Variants in FAM83A observed in about 807,000 individuals in gnomAD.
The protein encoded by FAM83A is protein FAM83A.
A neutral mutation model predicts 24.4 loss-of-function variants in FAM83A; 21 were observed. The observed-to-expected ratio is 0.86, with a 90% confidence interval of 0.61 to 1.24. The LOEUF (loss-of-function observed/expected upper bound fraction) is 1.24. Among genes scored for constraint, FAM83A ranks in the 50% most tolerant of loss-of-function variants. The probability of loss-of-function intolerance (pLI) is 0.00; values close to 1 mark genes in which losing one functional copy is unlikely to be tolerated. For missense variants in FAM83A, 617 were observed against 579.8 expected (o/e 1.06, Z -0.66); for synonymous variants, 270 against 252.4 (o/e 1.07, Z -0.66).
chr8:123,205,866 CGGGCGCG>C (rs1387761013), intron 3 of FAM83A, among the ~76,000 whole-genome samples: 1 of 152,048 alleles, frequency 6.6e-6, no homozygotes, highest in Non-Finnish European at 1.5e-5. Context: ...GGAAACAGGC[CGGGCGCG>C]GTGGCTCACG....
upstream of FAM83A, chr8:123,182,567 A>G (rs1586770905): frequency 6.5e-6 from 4 of 618,310 alleles, no homozygotes; most frequent in East Asian, 6.8e-5. Flanking sequence ...GAAATATCCC[A>G]TGGCTGACTG....
At position 123,209,808 on chromosome 8, in the gene FAM83A, T is replaced by C. The variant is rs1824678040; in HGVS notation, c.*2120T>C. On this transcript the variant is annotated 3_prime_UTR_variant, in exon 4 of 4. Coordinates refer to ENST00000690554, the Ensembl canonical transcript of FAM83A. The surrounding 1 kb of genome is among the most constrained non-coding windows in gnomAD (Gnocchi z 4.7). ...GACAAAGGTGCAGTTTCTCCTCTCC[T>C]GGGCACCTGTAACATGTGATGCGCT... is the stretch of plus-strand genomic sequence containing the variant. 2.0e-6 allele frequency: 1 copy of C among 511,376 alleles called. No homozygotes were observed. Among genetic ancestry groups the C allele is most frequent in the Non-Finnish European group, 3.5e-6 (1 of 285,152 alleles). 31.7% of individuals were successfully genotyped at this position (511,376 alleles called of 1,614,324 possible). A position where few individuals can be genotyped will look rare whatever the true frequency, so the allele number is the denominator to read the frequency against.
At chr8:123,179,147 TC>T (rs1449079727), upstream of FAM83A, 57 of 152,308 alleles carry the variant, frequency 3.7e-4, no homozygotes, top group African/African-American at 1.4e-3. Flanking sequence ...GGTGAGGACT[TC>T]TCTTTGATCA....
chr8:123,206,750 T>C (rs1445312299), intron 3 of FAM83A, among the ~76,000 whole-genome samples: 1 of 152,108 alleles, frequency 6.6e-6, no homozygotes, highest in Non-Finnish European at 1.5e-5. Context: ...GGTGTCGCAA[T>C]GTCTCTCTCT....
chr8:123,198,250 A>G (rs1824228597), intron 3 of FAM83A, among the ~76,000 whole-genome samples: 1 of 152,160 alleles, frequency 6.6e-6, no homozygotes, highest in Non-Finnish European at 1.5e-5. Context: ...CCCAAAGTTC[A>G]AGATTAGGCA....
intron 1 of FAM83A, among the ~76,000 whole-genome samples, chr8:123,184,623 G>A (rs1050243539): frequency 6.6e-6 from 1 of 152,044 alleles, no homozygotes; most frequent in Non-Finnish European, 1.5e-5. Flanking sequence ...GCTGTCAGCC[G>A]GAGACAAGTG....
chr8:123,191,689 C>A, intron 1 of FAM83A, 114 bp from the exon 2 acceptor site: 1 of 1,113,154 alleles, frequency 9.0e-7, no homozygotes, highest in Non-Finnish European at 1.3e-6. Flanking sequence ...CCTCTCCCCT[C>A]TGGCCCAATG....
At chr8:123,204,893 C>T (rs1462292812) in intron 3 of FAM83A, among the ~76,000 whole-genome samples, 1 of 152,130 alleles carries the variant, frequency 6.6e-6, no homozygotes, top group Non-Finnish European at 1.5e-5. Context: ...GCAAGTGGAT[C>T]ACAAGGTCAG....
exon 4 of FAM83A, chr8:123,208,769 T>C: frequency 2.4e-5 from 24 of 980,870 alleles, no homozygotes; most frequent in Non-Finnish European, 2.9e-5. Context: ...GCCAAGGTGG[T>C]TGGATTACCT....
chr8:123,180,035 T>G (rs376840421), upstream of FAM83A: 11 of 152,214 alleles, frequency 7.2e-5, no homozygotes, highest in East Asian at 1.9e-4. Flanking sequence ...GGCTCTGCCA[T>G]TTACCAGCTA....
At chr8:123,183,836 C>T (rs563047916) in intron 1 of FAM83A, among the ~76,000 whole-genome samples, 2 of 151,942 alleles carry the variant, frequency 1.3e-5, no homozygotes, top group Non-Finnish European at 2.9e-5. Context: ...GCTGGGATTA[C>T]AGGCGCATGC....
chr8:123,200,028 G>A (rs932135359), intron 3 of FAM83A: 3 of 153,864 alleles, frequency 1.9e-5, no homozygotes, highest in Admixed American at 6.5e-5. Context: ...TCTTATGGGA[G>A]CTACTGGGGA....
exon 4 of FAM83A, chr8:123,208,235 C>A (rs760300031): frequency 2.0e-6 from 2 of 985,782 alleles, no homozygotes; most frequent in Non-Finnish European, 2.4e-6. Context: ...ACTAGGGTAT[C>A]CTTGGGCCCA....
rs141241875 is a variant in FAM83A, at chr8:123,187,711, G to A, written c.481-4092G>A. ...TGAGATCAACAATAATTTTTAGAGTGGAAGGGGGTCCTGACACAAAATGGA... is the reference window on the plus strand; with the variant it reads ...TGAGATCAACAATAATTTTTAGAGTAGAAGGGGGTCCTGACACAAAATGGA... On this transcript the variant is annotated intron_variant, in intron 1 of 3. Coordinates refer to ENST00000690554, the Ensembl canonical transcript of FAM83A. 1.1e-4 allele frequency among the ~76,000 whole-genome samples: 16 copies of A among 152,234 alleles called. No homozygotes were observed. In the East Asian group the frequency reaches 2.7e-3, roughly 26 times the overall value.
chr8:123,207,176 C>T, exon 4 of FAM83A: 1 of 1,598,174 alleles, frequency 6.3e-7, no homozygotes, highest in African/African-American at 1.4e-5. Context: ...GCTCTGCGGA[C>T]ACGTGCACCG....
intron 3 of FAM83A, chr8:123,199,755 AAGAAAAG>A (rs1449326492): frequency 6.5e-6 from 1 of 152,734 alleles, no homozygotes; most frequent in Non-Finnish European, 1.5e-5. Context: ...GAAAGAAAGA[AAGAAAAG>A]AGCTATTATT....
At chr8:123,185,131 C>T (rs1823748896) in intron 1 of FAM83A, among the ~76,000 whole-genome samples, 1 of 152,176 alleles carries the variant, frequency 6.6e-6, no homozygotes, top group Non-Finnish European at 1.5e-5. Flanking sequence ...TCCAGGCAAG[C>T]GGCCAGGAGT....
chr8:123,208,404 G>C (rs1824635275), exon 4 of FAM83A: 1 of 985,512 alleles, frequency 1.0e-6, no homozygotes. Flanking sequence ...AAAGAGCCTT[G>C]GGCTGGCCTG....
chr8:123,183,429 G>A, intron 1 of FAM83A, 93 bp downstream of exon 1: 1 of 1,517,178 alleles, frequency 6.6e-7, no homozygotes, highest in Non-Finnish European at 8.8e-7. Context: ...TGCTCCCAGG[G>A]CGAGAGTCCA....
Sources: allele counts gnomAD v4.1 joint callset (sites outside exome capture counted in the v4.1 genomes callset), GRCh38; gene constraint gnomAD v4.1.1; non-coding constraint Gnocchi (gnomAD v3.1); transcripts MANE v1.5; gene names NCBI Gene and HGNC (gene_info 2026-07-23, HGNC 2026-07-21).